METAP1D: variants seen among roughly 807,000 people sequenced by gnomAD.
METAP1D encodes methionyl aminopeptidase type 1D, mitochondrial, also known as methionine aminopeptidase 1D, mitochondrial.
A neutral mutation model predicts 40.5 loss-of-function variants in METAP1D; 31 were observed. The observed-to-expected ratio is 0.77, with a 90% CI of 0.58 to 1.03. METAP1D has a LOEUF of 1.03. Ranked by LOEUF, METAP1D falls within the 50% of genes least tolerant of loss-of-function variation. METAP1D has a pLI of 0.00. For synonymous variants in METAP1D, 151 were observed against 146.4 expected, an observed-to-expected ratio of 1.03 and a Z score of -0.22; for missense variants, 411 against 420.7, an observed-to-expected ratio of 0.98 and a Z score of 0.20.
At chr2:172,071,256 TG>T (rs1366929536) in intron 6 of METAP1D, among the ~76,000 whole-genome samples, 186 bp downstream of exon 6, 1 of 151,896 alleles carries the variant, frequency 6.6e-6, no homozygotes, top group East Asian at 1.9e-4. Context: ...TTTATAAAAA[TG>T]AATTATACCA....
At position 172,071,061 on chromosome 2, in the gene METAP1D, A is replaced by G; in HGVS notation, c.695A>G (p.Asn232Ser). The change falls in exon 6 of 10, where the codon AAC becomes AGC. Residue 232 changes from asparagine (N) to serine (S), a missense_variant. Transcript: ENST00000315796. ...RAGAPFSVIG[N>S]TISHITHQNG... ...GGGGCTCCCTTCTCTGTAATTGGAA[A>G]CACAATCAGGTAAGCCTTACATTGA... 2 of 1,609,942 alleles carry G rather than the reference A, an allele frequency of 1.2e-6. No homozygotes were observed. Among genetic ancestry groups the G allele is most frequent in the Non-Finnish European group, 1.7e-6 (2 of 1,177,746 alleles).
At chr2:172,079,293 G>C (rs368216426) in intron 8 of METAP1D, 31 bp downstream of exon 8, 24 of 1,610,866 alleles carry the variant, frequency 1.5e-5, no homozygotes, top group African/African-American at 6.7e-5. Flanking sequence ...GAGTGAGTGC[G>C]TAGCTCCTGG....
At position 172,082,084 on chromosome 2, in the gene METAP1D, T is replaced by G. The variant is rs1025845164; in HGVS notation, c.*1678T>G. On this transcript the variant is annotated 3_prime_UTR_variant, in exon 10 of 10. Transcript: ENST00000315796. ...TTTACAAGGTCCATAGAAAAACTTT[T>G]TGTGTGGTCGGAAGTTGGCCAAGCA... is the stretch of plus-strand genomic sequence containing the variant. 6 of 152,362 alleles carry G rather than the reference T, an allele frequency of 3.9e-5. No individual in the cohort carries two copies. The highest frequency in any genetic ancestry group is 6.5e-5 in the Admixed American group (1 of 15,278). 9.4% of individuals were successfully genotyped at this position (152,362 alleles called of 1,614,324 possible).
chr2:172,067,069 T>A (rs1690301735), intron 5 of METAP1D, among the ~76,000 whole-genome samples: 1 of 152,242 alleles, frequency 6.6e-6, no homozygotes, highest in Admixed American at 6.5e-5. Flanking sequence ...CAGACTTGGA[T>A]TATATGTGCT....
At chr2:172,013,013 A>G (rs1558993588) in intron 1 of METAP1D, among the ~76,000 whole-genome samples, 1 of 152,044 alleles carries the variant, frequency 6.6e-6, no homozygotes, top group Non-Finnish European at 1.5e-5. Context: ...AAATCTGGAG[A>G]ATTTAGGGGA....
intron 1 of METAP1D, among the ~76,000 whole-genome samples, chr2:172,008,481 A>T (rs1282223817): frequency 6.6e-6 from 1 of 152,124 alleles, no homozygotes; most frequent in Non-Finnish European, 1.5e-5. Flanking sequence ...CCGCTTATCC[A>T]ATGGGGGTAT....
intron 1 of METAP1D, among the ~76,000 whole-genome samples, chr2:172,027,684 A>G (rs191602999): frequency 2.9e-4 from 44 of 152,356 alleles, no homozygotes; most frequent in Non-Finnish European, 5.9e-4. Flanking sequence ...ACTTAACATT[A>G]TAATTTCTGA....
chr2:172,017,698 A>C (rs1344414426), intron 1 of METAP1D, among the ~76,000 whole-genome samples: 1 of 152,202 alleles, frequency 6.6e-6, no homozygotes, highest in Non-Finnish European at 1.5e-5. Flanking sequence ...ATGGACTTGC[A>C]GAAAAACTTG....
intron 1 of METAP1D, among the ~76,000 whole-genome samples, chr2:172,020,131 C>T (rs980881996): frequency 6.6e-6 from 1 of 152,122 alleles, no homozygotes; most frequent in Non-Finnish European, 1.5e-5. Context: ...GGACTACAGG[C>T]GCACGCCATC....
At position 172,006,500 on chromosome 2, in the gene METAP1D, T is replaced by C. The variant is rs141958547; in HGVS notation, c.40+6491T>C. Among the ~76,000 whole-genome samples, 610 of 152,266 alleles carry C rather than the reference T, an allele frequency of 4.0e-3. 3 individuals are homozygous for C. The highest frequency in any genetic ancestry group is 9.3e-3 in the Admixed American group (142 of 15,280). ...GCCTGGCCAATATTTATAGTTTCTA[T>C]GAAATACCCGCTTTCCTCAAGCATT... On this transcript the variant is annotated intron_variant, in intron 1 of 9. Transcript: ENST00000315796.
chr2:172,041,903 C>T (rs1689542754), intron 1 of METAP1D, among the ~76,000 whole-genome samples: 1 of 118,826 alleles, frequency 8.4e-6, no homozygotes, highest in African/African-American at 2.7e-5. Context: ...CACATTCAAG[C>T]AATTCTCCTG....
rs1242218388 is a variant in METAP1D at position 172,000,018 on chromosome 2, G to A, written c.40+9G>A. The A allele has an allele frequency of 1.1e-5, 15 of 1,330,224 alleles. No individual in the cohort carries two copies. The Admixed American group carries it at 1.2e-4, about 11-fold the overall frequency. The allele number at this position is 1,330,224 out of a possible 1,614,324, so 82.4% of individuals were successfully genotyped here. A position where few individuals can be genotyped will look rare whatever the true frequency, so the allele number is the denominator to read the frequency against. The stretch of plus-strand genomic sequence containing the variant: ...CCTGCTCGTCCGCAGAGGTAAGCGC[G>A]TGGAGGAGAGCCCCGTGAGGGTTCG... On this transcript the variant is annotated intron_variant, in intron 1 of 9. Transcript: ENST00000315796.
At chr2:172,043,043 G>A (rs1217043341) in intron 1 of METAP1D, among the ~76,000 whole-genome samples, 3 of 107,998 alleles carry the variant, frequency 2.8e-5, no homozygotes, top group Admixed American at 8.9e-5. Flanking sequence ...ATGTGTACAC[G>A]TGTACACATA....
In METAP1D at chr2:172,016,275, C is replaced by CAAAAAA. The variant is rs1172458646; in HGVS notation, c.40+16287_40+16292dup. 8.0e-3 allele frequency among the ~76,000 whole-genome samples: 78 copies of CAAAAAA among 9,722 alleles called. 9 individuals carry two copies. The highest frequency in any genetic ancestry group is 0.013 in the African/African-American group (23 of 1,742). 6.4% of individuals were successfully genotyped at this position (9,722 alleles called of 152,430 possible). On this transcript the variant is annotated intron_variant, in intron 1 of 9. Transcript: ENST00000315796. ...TGGGTGACAGAGTGAGACCCTGTCT[C>CAAAAAA]AAAAAAAAAAAAAAAAAAAAAAAAA...
intron 3 of METAP1D, among the ~76,000 whole-genome samples, chr2:172,065,245 G>T (rs1304521927): frequency 6.6e-6 from 1 of 152,146 alleles, no homozygotes; most frequent in Non-Finnish European, 1.5e-5. Context: ...CATGCGCTGG[G>T]TAGCCCAGGG....
chr2:172,050,411 A>G (rs1422816585), intron 1 of METAP1D, among the ~76,000 whole-genome samples: 1 of 151,738 alleles, frequency 6.6e-6, no homozygotes, highest in Non-Finnish European at 1.5e-5. Context: ...TAAGAATTAA[A>G]GAAGGATTTT....
intron 1 of METAP1D, among the ~76,000 whole-genome samples, chr2:172,035,593 T>C (rs867046255): frequency 2.0e-5 from 3 of 152,200 alleles, no homozygotes; most frequent in African/African-American, 7.2e-5. Flanking sequence ...GTATTCACTT[T>C]CTTGCTTACC....
At chr2:172,077,377 C>T (rs1690571541) in intron 6 of METAP1D, among the ~76,000 whole-genome samples, 1 of 152,058 alleles carries the variant, frequency 6.6e-6, no homozygotes, top group Admixed American at 6.5e-5. Flanking sequence ...ATTTGGTTCC[C>T]CAATCAGGAG....
chr2:172,062,396 G>A (rs987579396), intron 2 of METAP1D, among the ~76,000 whole-genome samples: 2 of 152,208 alleles, frequency 1.3e-5, no homozygotes, highest in Non-Finnish European at 2.9e-5. Context: ...CCACCAGGAT[G>A]TATCCCCTGG....
Sources: allele counts gnomAD v4.1 joint callset (sites outside exome capture counted in the v4.1 genomes callset), GRCh38; gene constraint gnomAD v4.1.1; transcripts MANE v1.5; gene names NCBI Gene and HGNC (gene_info 2026-07-23, HGNC 2026-07-21).